Variants in MTA3 observed in about 807,000 individuals in gnomAD.
The protein encoded by MTA3 is metastasis-associated protein MTA3.
MTA3 carries 34 observed loss-of-function variants against 83.5 expected under a neutral mutation model. The observed-to-expected ratio is 0.41, with a 90% CI of 0.31 to 0.54. The LOEUF (loss-of-function observed/expected upper bound fraction) is 0.54. MTA3 is among the 20% of genes least tolerant of loss of function. The pLI is 0.33. For missense variants in MTA3, 761 were observed against 726.4 expected (o/e 1.05, Z -0.55); for synonymous variants, 303 against 252.7 (o/e 1.20, Z -1.89).
intron 9 of MTA3, among the ~76,000 whole-genome samples, chr2:42,690,590 AT>A (rs1055518518): frequency 5.0e-5 from 7 of 140,106 alleles, no homozygotes; most frequent in Admixed American, 1.4e-4. Flanking sequence ...CTTTTTAAAC[AT>A]TTTTTTCTTT....
At chr2:42,737,678 C>T (rs1355210991) in intron 16 of MTA3, among the ~76,000 whole-genome samples, 2 of 152,062 alleles carry the variant, frequency 1.3e-5, no homozygotes, top group African/African-American at 4.8e-5. Flanking sequence ...TTTCCAAATA[C>T]TTTATGAGGT....
chr2:42,583,818 A>G (rs568628024), intron 3 of MTA3, among the ~76,000 whole-genome samples: 178 of 151,924 alleles, frequency 1.2e-3, no homozygotes, highest in African/African-American at 4.1e-3. Flanking sequence ...GGTGTGAGCC[A>G]CTGTGCCTGG....
intron 2 of MTA3, among the ~76,000 whole-genome samples, chr2:42,571,020 AT>A (rs1678416286): frequency 6.6e-6 from 1 of 152,058 alleles, no homozygotes; most frequent in Admixed American, 6.6e-5. Flanking sequence ...TCAAAAAAAA[AT>A]AAAAATAAAA....
Position 42,723,019 on chromosome 2 carries a change from T to C in MTA3, c.1743T>C (p.His581=). ...TTCTGGGGAAAAGAAACTACAGTCA[T>C]CACAATGGTCTGGATGGTATGTAAG... is the stretch of plus-strand genomic sequence containing the variant. ...LSILGKRNYS[H]HNGLDELTCC... The change falls in exon 16 of 17, where the codon CAT becomes CAC. Residue 581 remains histidine (H), a synonymous_variant. Transcript: ENST00000405094. The C allele has an allele frequency of 6.4e-7, 1 of 1,550,838 alleles. No homozygotes were observed. Among genetic ancestry groups the C allele is most frequent in the South Asian group, 1.2e-5 (1 of 84,058 alleles).
intron 16 of MTA3, among the ~76,000 whole-genome samples, chr2:42,735,220 A>G (rs1386746064): frequency 6.6e-6 from 1 of 152,082 alleles, no homozygotes; most frequent in Admixed American, 6.6e-5. Flanking sequence ...CTTGAAGGAT[A>G]TTTTTGCTGG....
chr2:42,607,100 A>AGGGGTAGG (rs1683552127), intron 3 of MTA3, among the ~76,000 whole-genome samples: 1 of 12,746 alleles, frequency 7.8e-5, no homozygotes, highest in Admixed American at 1.2e-3. Flanking sequence ...GTAGGGGTAG[A>AGGGGTAGG]GGTAGAGGTA....
chr2:42,646,848 T>G (rs1444751855), intron 6 of MTA3, among the ~76,000 whole-genome samples: 1 of 152,066 alleles, frequency 6.6e-6, no homozygotes, highest in Non-Finnish European at 1.5e-5. Flanking sequence ...TTGAGAGGGT[T>G]GTCTCTGTTT....
In MTA3 at chr2:42,756,685, T is replaced by C; in HGVS notation, c.*3286T>C. On this transcript the variant is annotated 3_prime_UTR_variant, in exon 17 of 17. Coordinates refer to ENST00000405094, the MANE Select transcript of MTA3 (RefSeq NM_001330442.2). ...GTCCCTGTTTTCCTTTGGGGGAATTTACTCAGTTAGCAGCCCCTCCTCACC... is the reference window on the plus strand; with the variant it reads ...GTCCCTGTTTTCCTTTGGGGGAATTCACTCAGTTAGCAGCCCCTCCTCACC... 1.0e-6 allele frequency: 1 copy of C among 985,478 alleles called. No individual in the cohort carries two copies. The highest frequency in any genetic ancestry group is 1.2e-6 in the Non-Finnish European group (1 of 829,978). 61.0% of individuals were successfully genotyped at this position (985,478 alleles called of 1,614,324 possible).
At position 42,556,329 on chromosome 2, in the gene MTA3, G is replaced by T. The variant is rs191884051; in HGVS notation, c.-140-14108G>T. On this transcript the variant is annotated intron_variant, in intron 2 of 17. Transcript: ENST00000405592. ...GGAGAGCCCTAGACCAGGGCCCCCAGCTTTCTCTTATGCTCTGGAAAGTGT... is the reference window on the plus strand; with the variant it reads ...GGAGAGCCCTAGACCAGGGCCCCCATCTTTCTCTTATGCTCTGGAAAGTGT... Among the ~76,000 whole-genome samples, 6 of 152,168 alleles carry T rather than the reference G, an allele frequency of 3.9e-5. No homozygotes were observed. The East Asian group carries it at 1.2e-3, about 29-fold the overall frequency.
intron 2 of MTA3, among the ~76,000 whole-genome samples, chr2:42,544,754 T>C (rs1270611664): frequency 3.3e-5 from 5 of 152,096 alleles, no homozygotes; most frequent in Admixed American, 3.3e-4. Context: ...CTTATGATTC[T>C]GACATCAGAA....
At chr2:42,683,119 G>A (rs1183829566) in intron 9 of MTA3, among the ~76,000 whole-genome samples, 1 of 152,164 alleles carries the variant, frequency 6.6e-6, no homozygotes, top group Non-Finnish European at 1.5e-5. Context: ...GAAGTCCTGT[G>A]TTTTTGGTGT....
intron 4 of MTA3, among the ~76,000 whole-genome samples, chr2:42,619,805 T>C (rs1005202058): frequency 6.6e-6 from 1 of 152,218 alleles, no homozygotes; most frequent in Non-Finnish European, 1.5e-5. Flanking sequence ...AGATGTTACT[T>C]ACCTTTTTTC....
chr2:42,506,304 A>G (rs988291518), intron 2 of MTA3, among the ~76,000 whole-genome samples: 1 of 152,028 alleles, frequency 6.6e-6, no homozygotes, highest in African/African-American at 2.4e-5. Context: ...TTTAGAAATT[A>G]TCTGCATGTG....
chr2:42,707,358 C>T (rs1666191048), intron 12 of MTA3, among the ~76,000 whole-genome samples: 1 of 152,082 alleles, frequency 6.6e-6, no homozygotes, highest in East Asian at 1.9e-4. Flanking sequence ...ATTCTACTGC[C>T]TCAGCCTACC....
intron 3 of MTA3, among the ~76,000 whole-genome samples, chr2:42,584,397 C>A (rs1680023962): frequency 6.6e-6 from 1 of 152,132 alleles, no homozygotes; most frequent in African/African-American, 2.4e-5. Flanking sequence ...CTTAAAGTGT[C>A]CAAGTGTATA....
chr2:42,740,009 G>A (rs1167911785), intron 16 of MTA3, among the ~76,000 whole-genome samples: 1 of 152,160 alleles, frequency 6.6e-6, no homozygotes, highest in African/African-American at 2.4e-5. Flanking sequence ...AGTTATCCAT[G>A]AGGGTTGGAA....
At chr2:42,686,456 G>A (rs990840946) in intron 9 of MTA3, among the ~76,000 whole-genome samples, 6 of 152,036 alleles carry the variant, frequency 3.9e-5, no homozygotes, top group Non-Finnish European at 7.4e-5. Flanking sequence ...GGAGTCCGAG[G>A]CAGGAGGATC....
chr2:42,753,947 CCTT>C lies in MTA3; in HGVS notation c.*549_*551del. The C allele has an allele frequency of 1.0e-6, 1 of 985,974 alleles. No individual in the cohort carries two copies. Among genetic ancestry groups the C allele is most frequent in the Non-Finnish European group, 1.2e-6 (1 of 830,274 alleles). 61.1% of individuals were successfully genotyped at this position (985,974 alleles called of 1,614,324 possible). On this transcript the variant is annotated 3_prime_UTR_variant, in exon 17 of 17. Coordinates refer to ENST00000405094, the MANE Select transcript of MTA3 (RefSeq NM_001330442.2). Reference sequence around the variant, plus strand: ...TCAGCTTTTTCTCGATAGGCTTCATCCTTGTTTTTTTGAAATGGGGGAATTTGC... The same window carrying C: ...TCAGCTTTTTCTCGATAGGCTTCATCGTTTTTTTGAAATGGGGGAATTTGC...
chr2:42,662,852 C>T (rs552688899), intron 8 of MTA3, among the ~76,000 whole-genome samples: 102 of 151,932 alleles, frequency 6.7e-4, no homozygotes, highest in African/African-American at 2.3e-3. Flanking sequence ...CTGCCTCAGC[C>T]TCCCGAGTAG....
Sources: allele counts gnomAD v4.1 joint callset (sites outside exome capture counted in the v4.1 genomes callset), GRCh38; gene constraint gnomAD v4.1.1; transcripts MANE v1.5; gene names NCBI Gene and HGNC (gene_info 2026-07-23, HGNC 2026-07-21).